PRELID2: variants seen among roughly 807,000 people sequenced by gnomAD.
PRELID2 encodes the protein PRELI domain containing 2.
PRELID2 carries 25 observed loss-of-function variants against 28.4 expected under a neutral mutation model. The observed-to-expected ratio is 0.88, with a 90% CI of 0.64 to 1.23. The LOEUF (loss-of-function observed/expected upper bound fraction) is 1.23, where lower values mean the gene tolerates loss of function less well. Ranked by LOEUF, PRELID2 falls within the 50% of genes most tolerant of loss-of-function variation. PRELID2 has a pLI of 0.00. For synonymous variants in PRELID2, 76 were observed against 71.6 expected (o/e 1.06, Z -0.31); for missense variants, 201 against 214.4 (o/e 0.94, Z 0.39).
the PRELID2 span, among the ~76,000 whole-genome samples, chr5:145,461,684 T>C: frequency 6.6e-6 from 1 of 152,242 alleles, no homozygotes; most frequent in Admixed American, 6.5e-5. Context: ...AGTGTATGTT[T>C]AATTATTGTT....
the PRELID2 span, among the ~76,000 whole-genome samples, chr5:145,337,356 A>G: frequency 6.6e-6 from 1 of 151,706 alleles, no homozygotes; most frequent in East Asian, 1.9e-4. Flanking sequence ...CACACACACC[A>G]ACCAATTTTT....
chr5:145,692,581 GC>G (rs1344330338), intron 1 of PRELID2, among the ~76,000 whole-genome samples: 1 of 152,012 alleles, frequency 6.6e-6, no homozygotes, highest in African/African-American at 2.4e-5. Flanking sequence ...TGTTAATTTT[GC>G]ACCATAAACA....
chr5:145,419,968 C>T, the PRELID2 span, among the ~76,000 whole-genome samples: 1 of 151,948 alleles, frequency 6.6e-6, no homozygotes, highest in African/African-American at 2.4e-5. Flanking sequence ...GTTTTCCCAG[C>T]ACCATTTATT....
At chr5:145,765,055 T>C in intron 5 of PRELID2, 55 bp from the exon 6 acceptor site, 1 of 1,214,234 alleles carries the variant, frequency 8.2e-7, no homozygotes, top group Non-Finnish European at 1.2e-6. Flanking sequence ...CAAGTACTTT[T>C]ACATTTATCA....
chr5:145,823,514 T>A (rs1014548623), intron 1 of PRELID2, among the ~76,000 whole-genome samples: 3 of 152,220 alleles, frequency 2.0e-5, no homozygotes, highest in African/African-American at 7.2e-5. Flanking sequence ...ACAGCCTCTC[T>A]GTTATAACTG....
the PRELID2 span, among the ~76,000 whole-genome samples, chr5:145,252,259 C>T: frequency 2.0e-5 from 3 of 152,066 alleles, no homozygotes; most frequent in African/African-American, 7.2e-5. Context: ...CAAAAAACAT[C>T]GTCTATTATG....
chr5:145,386,108 G>T, the PRELID2 span, among the ~76,000 whole-genome samples: 1 of 152,104 alleles, frequency 6.6e-6, no homozygotes, highest in Non-Finnish European at 1.5e-5. Flanking sequence ...TGGCTGGGGA[G>T]TCCTCAGGAA....
chr5:145,274,194 T>C, the PRELID2 span, among the ~76,000 whole-genome samples: 1 of 152,180 alleles, frequency 6.6e-6, no homozygotes, highest in Non-Finnish European at 1.5e-5. Context: ...AGTACAATTA[T>C]TGTTTTGCTT....
the PRELID2 span, among the ~76,000 whole-genome samples, chr5:145,379,900 C>A: frequency 6.6e-6 from 1 of 152,104 alleles, no homozygotes; most frequent in South Asian, 2.1e-4. Flanking sequence ...CCAGGAGAGA[C>A]CAGCAGACCA....
chr5:145,623,441 C>T (rs1279606752), intron 1 of PRELID2, among the ~76,000 whole-genome samples: 2 of 150,536 alleles, frequency 1.3e-5, no homozygotes, highest in Non-Finnish European at 3.0e-5. Flanking sequence ...GAGCAAAACT[C>T]CTTCTCAAAA....
chr5:145,358,972 T>C, the PRELID2 span, among the ~76,000 whole-genome samples: 1 of 152,176 alleles, frequency 6.6e-6, no homozygotes, highest in Non-Finnish European at 1.5e-5. Flanking sequence ...GCATAATTTA[T>C]AATGAGGACT....
intron 5 of PRELID2, among the ~76,000 whole-genome samples, chr5:145,789,867 A>C (rs575293380): frequency 7.2e-5 from 11 of 152,172 alleles, no homozygotes; most frequent in Non-Finnish European, 8.8e-5. Context: ...AAATATACAA[A>C]TGGCCAACAG....
chr5:145,726,576 T>C (rs1006938935), intron 1 of PRELID2, among the ~76,000 whole-genome samples: 1 of 152,222 alleles, frequency 6.6e-6, no homozygotes, highest in Non-Finnish European at 1.5e-5. Flanking sequence ...TAGGCGAATA[T>C]GTACAAGTAT....
the PRELID2 span, among the ~76,000 whole-genome samples, chr5:145,251,178 C>T: frequency 2.0e-5 from 3 of 152,030 alleles, no homozygotes; most frequent in Non-Finnish European, 4.4e-5. Flanking sequence ...ATCTTGAAGA[C>T]ATTATAGGCA....
chr5:145,791,399 A>G (rs1752384593), intron 5 of PRELID2, among the ~76,000 whole-genome samples: 1 of 152,202 alleles, frequency 6.6e-6, no homozygotes, highest in African/African-American at 2.4e-5. Flanking sequence ...CCATAAAAAG[A>G]AAGGTAAGTC....
chr5:145,478,145 G>A lies in PRELID2; in HGVS notation n.71-4830C>T, dbSNP rs565886724. On this transcript the variant is annotated intron_variant and non_coding_transcript_variant, in intron 1 of 2. Coordinates refer to the PRELID2 transcript ENST00000510259. ...GCCCTTGTTCTACTGTCTAGGCCCT[G>A]TATTGTCCAGGGTAGTAGCCATTTG... is the stretch of plus-strand genomic sequence containing the variant. Among the ~76,000 whole-genome samples the A allele has an allele frequency of 3.6e-3, 554 of 152,274 alleles. 6 individuals are homozygous for A. Among genetic ancestry groups the A allele is most frequent in the African/African-American group, 0.013 (525 of 41,568 alleles).
intron 1 of PRELID2, among the ~76,000 whole-genome samples, chr5:145,627,092 T>C (rs1368316368): frequency 1.9e-5 from 1 of 53,378 alleles, no homozygotes; most frequent in Non-Finnish European, 3.3e-5. Context: ...AGAGTAAGAC[T>C]CTCCCAAAAA....
intron 1 of PRELID2, among the ~76,000 whole-genome samples, chr5:145,652,221 C>G (rs889388693): frequency 9.2e-5 from 14 of 152,066 alleles, no homozygotes; most frequent in African/African-American, 3.1e-4. Context: ...TAAAAAGAAA[C>G]AAACAAAGCC....
At position 145,831,961 on chromosome 5, in the gene PRELID2, A is replaced by C. The variant is rs150280997; in HGVS notation, c.75+3216T>G. Among the ~76,000 whole-genome samples the C allele has an allele frequency of 2.6e-5, 4 of 152,382 alleles. No homozygotes were observed. The East Asian group carries it at 7.7e-4, about 29-fold the overall frequency. On this transcript the variant is annotated intron_variant, in intron 1 of 6. Coordinates refer to ENST00000683046, the MANE Select transcript of PRELID2 (RefSeq NM_205846.3). The stretch of plus-strand genomic sequence containing the variant: ...AACCACATGAGTTTAGTCAACTCAC[A>C]GAATTGTGAAAATTAAAAGCCTGTC...
Sources: gnomAD v4.1 joint callset for allele counts (sites outside exome capture counted in the v4.1 genomes callset) on GRCh38, gnomAD v4.1.1 for gene constraint, MANE v1.5 for transcripts, NCBI Gene and HGNC (gene_info 2026-07-23, HGNC 2026-07-21) for gene names.